Variants in SUPT3H observed in about 807,000 individuals in gnomAD.
SUPT3H encodes SPT3 homolog, SAGA and STAGA complex component, also known as transcription initiation protein SPT3 homolog.
SUPT3H carries 44 observed loss-of-function variants against 44.3 expected under a neutral mutation model. That is an observed-to-expected ratio of 0.99 (90% CI 0.78 to 1.28). SUPT3H has a LOEUF of 1.28. Among genes scored for constraint, SUPT3H ranks in the 50% most tolerant of loss-of-function variants. SUPT3H has a pLI of 0.00. For synonymous variants in SUPT3H, 124 were observed against 125.6 expected (o/e 0.99, Z 0.09); for missense variants, 380 against 387.1 (o/e 0.98, Z 0.15).
At chr6:44,894,163 G>T (rs9765884) in intron 10 of SUPT3H, among the ~76,000 whole-genome samples, 45,284 of 118,468 alleles carry the variant, frequency 0.38, 8,704 homozygotes, top group Middle Eastern at 0.47. Flanking sequence ...TTTCTCCCAT[G>T]TTGTAGGTTG....
chr6:44,811,912 C>G (rs1425473608), intron 11 of SUPT3H, among the ~76,000 whole-genome samples: 1 of 150,580 alleles, frequency 6.6e-6, no homozygotes, highest in Non-Finnish European at 1.5e-5. Flanking sequence ...TTTCACTTTC[C>G]TAGTTCTTCT....
In SUPT3H at chr6:44,917,159, G is replaced by GA. The variant is rs995730728; in HGVS notation, c.912+15493dup. 2.4e-4 allele frequency among the ~76,000 whole-genome samples: 35 copies of GA among 143,148 alleles called. 1 individual carries two copies. The highest frequency in any genetic ancestry group is 5.6e-4 in the Admixed American group (8 of 14,348). 93.9% of individuals were successfully genotyped at this position (143,148 alleles called of 152,430 possible). A position where few individuals can be genotyped will look rare whatever the true frequency, so the allele number is the denominator to read the frequency against. ...ACAGAGTGAGACCCTGTCTCAAAAA[G>GA]AAAAAAAAAAATTGCTAATTTTAAC... On this transcript the variant is annotated intron_variant, in intron 10 of 10. Transcript: ENST00000371459.
chr6:44,998,411 T>A (rs1781549661), intron 6 of SUPT3H, among the ~76,000 whole-genome samples: 1 of 151,990 alleles, frequency 6.6e-6, no homozygotes, highest in Admixed American at 6.6e-5. Context: ...TACTAAATTA[T>A]CGAGCATCTA....
At chr6:44,923,690 A>G (rs1341336339) in intron 10 of SUPT3H, among the ~76,000 whole-genome samples, 1 of 152,078 alleles carries the variant, frequency 6.6e-6, no homozygotes, top group Non-Finnish European at 1.5e-5. Flanking sequence ...TGGCAATACC[A>G]GGATTTTTCA....
At chr6:44,886,652 A>G (rs1561963630) in intron 10 of SUPT3H, among the ~76,000 whole-genome samples, 1 of 152,180 alleles carries the variant, frequency 6.6e-6, no homozygotes, top group African/African-American at 2.4e-5. Context: ...GGTACCAGCC[A>G]CTGCAAAATC....
At chr6:44,964,086 T>TTG (rs2153479062) in intron 6 of SUPT3H, among the ~76,000 whole-genome samples, 1 of 152,294 alleles carries the variant, frequency 6.6e-6, no homozygotes, top group Admixed American at 6.5e-5. Context: ...GTACGTATGT[T>TTG]TGTGTATATA....
At chr6:45,042,943 ATTTAT>A (rs1260178490) in intron 3 of SUPT3H, among the ~76,000 whole-genome samples, 3 of 152,202 alleles carry the variant, frequency 2.0e-5, no homozygotes, top group African/African-American at 7.2e-5. Flanking sequence ...ACCTATAACT[ATTTAT>A]TTTATTAAAA....
intron 2 of SUPT3H, among the ~76,000 whole-genome samples, chr6:45,361,949 G>A (rs1354282814): frequency 6.6e-6 from 1 of 152,176 alleles, no homozygotes; most frequent in African/African-American, 2.4e-5. Flanking sequence ...TACTTGGGAG[G>A]CTGAAGCAGG....
At chr6:45,129,562 T>G (rs1158200200) in intron 2 of SUPT3H, among the ~76,000 whole-genome samples, 1 of 152,212 alleles carries the variant, frequency 6.6e-6, no homozygotes, top group Non-Finnish European at 1.5e-5. Context: ...GATACCCGTA[T>G]GAACTAAATG....
intron 2 of SUPT3H, among the ~76,000 whole-genome samples, chr6:45,239,652 G>A (rs537045319): frequency 3.9e-5 from 6 of 152,288 alleles, no homozygotes; most frequent in African/African-American, 1.4e-4. Flanking sequence ...TTCTGCCTGT[G>A]TTAAACATCA....
At chr6:45,177,407 T>A (rs1812164829) in intron 2 of SUPT3H, among the ~76,000 whole-genome samples, 1 of 152,016 alleles carries the variant, frequency 6.6e-6, no homozygotes, top group Non-Finnish European at 1.5e-5. Context: ...CTCCAAGAAA[T>A]ATGGGACTAT....
chr6:45,320,092 G>A (rs1785248857), intron 2 of SUPT3H, among the ~76,000 whole-genome samples: 1 of 151,648 alleles, frequency 6.6e-6, no homozygotes, highest in Admixed American at 6.6e-5. Flanking sequence ...TTCAAGAGAT[G>A]GTTATTACAT....
intron 10 of SUPT3H, among the ~76,000 whole-genome samples, chr6:44,841,713 C>T (rs1770973296): frequency 1.3e-5 from 2 of 152,178 alleles, no homozygotes; most frequent in South Asian, 4.1e-4. Flanking sequence ...CTTAATGCAT[C>T]TTTGGGTCTG....
intron 1 of SUPT3H, among the ~76,000 whole-genome samples, chr6:45,368,648 T>G (rs1795545702): frequency 1.3e-5 from 2 of 152,118 alleles, no homozygotes; most frequent in South Asian, 4.1e-4. Context: ...ATCATCAAAA[T>G]CTGGACTGTG....
chr6:45,310,882 C>T, intron 2 of SUPT3H, among the ~76,000 whole-genome samples: 1 of 152,112 alleles, frequency 6.6e-6, no homozygotes, highest in Non-Finnish European at 1.5e-5. Context: ...ATCAACACCC[C>T]CATAAAATCA....
intron 2 of SUPT3H, among the ~76,000 whole-genome samples, chr6:45,313,623 A>AGCG (rs1784281485): frequency 6.7e-6 from 1 of 149,860 alleles, no homozygotes; most frequent in Non-Finnish European, 1.5e-5. Context: ...ACCAATAACA[A>AGCG]GCAGCGAGAT....
intron 10 of SUPT3H, among the ~76,000 whole-genome samples, chr6:44,869,744 C>A (rs1776063828): frequency 6.6e-6 from 1 of 152,144 alleles, no homozygotes; most frequent in Non-Finnish European, 1.5e-5. Context: ...TATCTCATAA[C>A]CACTAGTTAG....
At chr6:45,219,372 C>T (rs528815521) in intron 2 of SUPT3H, among the ~76,000 whole-genome samples, 7 of 151,842 alleles carry the variant, frequency 4.6e-5, no homozygotes, top group African/African-American at 1.7e-4. Flanking sequence ...AGACACAAAT[C>T]ACAAACGCCA....
chr6:44,831,789 C>A (rs1339453226), intron 10 of SUPT3H, among the ~76,000 whole-genome samples: 1 of 152,076 alleles, frequency 6.6e-6, no homozygotes, highest in African/African-American at 2.4e-5. Flanking sequence ...AGGTTTTAAT[C>A]TTTTCAGACG....
Sources: gnomAD v4.1 joint callset for allele counts (sites outside exome capture counted in the v4.1 genomes callset) on GRCh38, gnomAD v4.1.1 for gene constraint, MANE v1.5 for transcripts, NCBI Gene and HGNC (gene_info 2026-07-23, HGNC 2026-07-21) for gene names.